GJB7: variants seen among roughly 807,000 people sequenced by gnomAD.
The protein encoded by GJB7 is gap junction beta-7 protein.
For missense variants in GJB7, 253 were observed against 256.8 expected (o/e 0.99, Z 0.10); for synonymous variants, 87 against 95.2 (o/e 0.91, Z 0.50).
intron 2 of GJB7, chr6:87,300,537 GA>G: frequency 5.9e-6 from 1 of 168,458 alleles, no homozygotes. Flanking sequence ...GTCAGTTGGA[GA>G]AAATGGCTGA....
At chr6:87,310,968 G>C (rs1776506987) in intron 2 of GJB7, among the ~76,000 whole-genome samples, 1 of 152,256 alleles carries the variant, frequency 6.6e-6, no homozygotes, top group Non-Finnish European at 1.5e-5. Flanking sequence ...GATTCCAAAA[G>C]CAGGAGCCAA....
intron 1 of GJB7, among the ~76,000 whole-genome samples, chr6:87,326,236 T>C (rs1236921755): frequency 1.3e-5 from 2 of 152,228 alleles, no homozygotes. Flanking sequence ...TTCATTAATT[T>C]TTTGAAGGGT....
At chr6:87,304,966 A>T (rs561249948) in intron 2 of GJB7, among the ~76,000 whole-genome samples, 1 of 152,262 alleles carries the variant, frequency 6.6e-6, no homozygotes, top group Admixed American at 6.5e-5. Context: ...CCTTTGAGAA[A>T]ATTCAACAGC....
intron 2 of GJB7, among the ~76,000 whole-genome samples, chr6:87,302,459 G>C (rs951304757): frequency 6.6e-6 from 1 of 152,162 alleles, no homozygotes; most frequent in African/African-American, 2.4e-5. Flanking sequence ...GAAATGAAGC[G>C]AGAAGAGAAG....
chr6:87,307,031 G>C (rs1019938501), intron 2 of GJB7, among the ~76,000 whole-genome samples: 1 of 152,072 alleles, frequency 6.6e-6, no homozygotes, highest in African/African-American at 2.4e-5. Flanking sequence ...TTGTAGGGTG[G>C]GGAGAGTGGG....
chr6:87,313,328 C>T (rs1776536738), intron 2 of GJB7, among the ~76,000 whole-genome samples: 1 of 152,172 alleles, frequency 6.6e-6, no homozygotes, highest in Admixed American at 6.5e-5. Flanking sequence ...CATTATGGGA[C>T]ACCCTTTTAG....
At chr6:87,314,847 T>C (rs1049632674) in intron 2 of GJB7, among the ~76,000 whole-genome samples, 8 of 152,210 alleles carry the variant, frequency 5.3e-5, no homozygotes, top group Non-Finnish European at 1.0e-4. Flanking sequence ...TGGAGCTCCA[T>C]GGAACTTTCC....
chr6:87,298,728 C>T (rs189000707), intron 2 of GJB7: 27 of 192,996 alleles, frequency 1.4e-4, no homozygotes, highest in African/African-American at 3.8e-4. Flanking sequence ...TCGCCACTGA[C>T]GACCTGTCTC....
At chr6:87,303,289 A>G (rs991739460) in intron 2 of GJB7, among the ~76,000 whole-genome samples, 5 of 152,184 alleles carry the variant, frequency 3.3e-5, no homozygotes, top group African/African-American at 1.2e-4. Context: ...CCCATCTCAC[A>G]TGCAGAGACA....
chr6:87,316,199 G>T (rs188420259), intron 2 of GJB7, among the ~76,000 whole-genome samples: 3 of 152,108 alleles, frequency 2.0e-5, no homozygotes, highest in Non-Finnish European at 4.4e-5. Flanking sequence ...GGAAATGATC[G>T]CCTTTCCTAT....
Position 87,324,868 on chromosome 6 carries a change from C to T in GJB7, c.-205-1825G>A, listed in dbSNP as rs541184967. Among the ~76,000 whole-genome samples the T allele has an allele frequency of 5.2e-4, 79 of 152,252 alleles. 1 individual carries two copies. The highest frequency in any genetic ancestry group is 1.9e-3 in the African/African-American group (77 of 41,516). ...CTGTAAATTACCTTGGGCAGTATGGCCATTTTCACAATGTTGATTCTTCCT... is the reference window on the plus strand; with the variant it reads ...CTGTAAATTACCTTGGGCAGTATGGTCATTTTCACAATGTTGATTCTTCCT... On this transcript the variant is annotated intron_variant, in intron 1 of 2. Transcript: ENST00000525899.
chr6:87,297,364 A>G (rs1776262061), intron 2 of GJB7, among the ~76,000 whole-genome samples: 1 of 152,232 alleles, frequency 6.6e-6, no homozygotes, highest in Non-Finnish European at 1.5e-5. Context: ...GGATGTGTCC[A>G]GTGATACCCA....
At chr6:87,293,594 G>A (rs890594992) in intron 2 of GJB7, among the ~76,000 whole-genome samples, 1 of 151,938 alleles carries the variant, frequency 6.6e-6, no homozygotes, top group Non-Finnish European at 1.5e-5. Flanking sequence ...CCACTCCTTT[G>A]TTTATTACTG....
chr6:87,315,795 C>CAAAAAAAAA (rs1161194601), intron 2 of GJB7, among the ~76,000 whole-genome samples: 6 of 72,286 alleles, frequency 8.3e-5, no homozygotes, highest in Non-Finnish European at 1.2e-4. Flanking sequence ...GACTCTATCT[C>CAAAAAAAAA]AAAAAAAAAA....
chr6:87,315,477 T>C (rs377203987), intron 2 of GJB7, among the ~76,000 whole-genome samples: 1 of 152,026 alleles, frequency 6.6e-6, no homozygotes, highest in Admixed American at 6.6e-5. Flanking sequence ...GTGCCCAATA[T>C]ATGAAATGAG....
intron 2 of GJB7, among the ~76,000 whole-genome samples, chr6:87,286,178 C>G (rs1370795194): frequency 6.6e-6 from 1 of 152,212 alleles, no homozygotes; most frequent in Non-Finnish European, 1.5e-5. Flanking sequence ...CTGACTCTCC[C>G]TAAACCTACA....
At chr6:87,313,964 G>A (rs762945885) in intron 2 of GJB7, among the ~76,000 whole-genome samples, 5 of 152,180 alleles carry the variant, frequency 3.3e-5, no homozygotes, top group Non-Finnish European at 5.9e-5. Context: ...AATGCTGAGG[G>A]GATGTGGATG....
chr6:87,301,561 C>A (rs1776327680), intron 2 of GJB7, among the ~76,000 whole-genome samples: 1 of 152,182 alleles, frequency 6.6e-6, no homozygotes, highest in South Asian at 2.1e-4. Context: ...CCCACTGCAG[C>A]TCAAGGAGGC....
At chr6:87,313,349 G>C (rs373621436) in intron 2 of GJB7, among the ~76,000 whole-genome samples, 129 of 152,296 alleles carry the variant, frequency 8.5e-4, no homozygotes, top group African/African-American at 3.0e-3. Context: ...GACTATTACA[G>C]TAAAGGACTT....
Sources: gnomAD v4.1 joint callset for allele counts (sites outside exome capture counted in the v4.1 genomes callset) on GRCh38, gnomAD v4.1.1 for gene constraint, MANE v1.5 for transcripts, NCBI Gene and HGNC (gene_info 2026-07-23, HGNC 2026-07-21) for gene names.